Variants in KDM4C observed in about 807,000 individuals in gnomAD.
The protein encoded by KDM4C is lysine-specific demethylase 4C.
A neutral mutation model predicts 129.3 loss-of-function variants in KDM4C; 81 were observed. That is an observed-to-expected ratio of 0.63 (90% CI 0.52 to 0.75). KDM4C has a LOEUF of 0.75. KDM4C is among the 30% of genes least tolerant of loss of function. The pLI is 0.00. For missense variants in KDM4C, 1,457 were observed against 1,304.0 expected, an observed-to-expected ratio of 1.12 and a Z score of -1.81; for synonymous variants, 573 against 456.1, an observed-to-expected ratio of 1.26 and a Z score of -3.26.
At position 6,984,119 on chromosome 9, in the gene KDM4C, A is replaced by G. The variant is rs1465770579; in HGVS notation, c.1116-47A>G. On this transcript the variant is annotated intron_variant, in intron 9 of 21. Coordinates refer to ENST00000381309, the MANE Select transcript of KDM4C (RefSeq NM_015061.6). ...ATTTATATTGGGATGTGTTTTTCAT[A>G]TCCATTGCAGACATCCCGCTCTGAC... is the stretch of plus-strand genomic sequence containing the variant. The G allele has an allele frequency of 4.2e-6, 5 of 1,195,126 alleles. No homozygotes were observed. In the East Asian group the frequency reaches 9.5e-5, roughly 23 times the overall value. The allele number at this position is 1,195,126 out of a possible 1,614,324, so 74.0% of individuals were successfully genotyped here.
intron 8 of KDM4C, among the ~76,000 whole-genome samples, chr9:6,944,163 C>T (rs1826454647): frequency 6.6e-6 from 1 of 152,120 alleles, no homozygotes; most frequent in African/African-American, 2.4e-5. Flanking sequence ...TATCTGCAAG[C>T]AGAGGGTGCT....
At chr9:7,035,253 A>T (rs1039950362) in intron 15 of KDM4C, among the ~76,000 whole-genome samples, 2 of 147,608 alleles carry the variant, frequency 1.4e-5, no homozygotes, top group African/African-American at 4.9e-5. Flanking sequence ...GGCTCAAGTG[A>T]TCCTCCCGCC....
chr9:7,100,680 G>A (rs923989501), intron 17 of KDM4C, among the ~76,000 whole-genome samples: 12 of 152,030 alleles, frequency 7.9e-5, no homozygotes, highest in African/African-American at 2.9e-4. Context: ...CATTCTGAGT[G>A]GCACTGTTTT....
At chr9:6,872,555 G>A (rs761758826) in intron 5 of KDM4C, among the ~76,000 whole-genome samples, 5 of 152,214 alleles carry the variant, frequency 3.3e-5, no homozygotes, top group Non-Finnish European at 7.3e-5. Context: ...AGGTGCTCCT[G>A]TATTGGGTGC....
At chr9:6,779,568 C>T (rs1823871711) in intron 1 of KDM4C, among the ~76,000 whole-genome samples, 1 of 152,216 alleles carries the variant, frequency 6.6e-6, no homozygotes, top group Non-Finnish European at 1.5e-5. Context: ...CCCTGATCTT[C>T]TGTTTGTAGT....
At chr9:6,970,351 CT>C (rs1335197628) in intron 8 of KDM4C, among the ~76,000 whole-genome samples, 2 of 152,108 alleles carry the variant, frequency 1.3e-5, no homozygotes, top group Admixed American at 6.5e-5. Flanking sequence ...ACTTATGAAC[CT>C]TGGTCACTGT....
chr9:7,076,381 A>G lies in KDM4C; in HGVS notation c.2424+27181A>G. The G allele has an allele frequency of 7.8e-6, 10 of 1,285,782 alleles. No homozygotes were observed. The South Asian group carries it at 8.9e-5, about 11-fold the overall frequency. The allele number at this position is 1,285,782 out of a possible 1,614,324, so 79.6% of individuals were successfully genotyped here. Reference sequence around the variant, plus strand: ...TAAAGCCCATGCTATTTTCACTATAATTTATTAAAATCTGGCATATTGGAC... The same window carrying G: ...TAAAGCCCATGCTATTTTCACTATAGTTTATTAAAATCTGGCATATTGGAC... On this transcript the variant is annotated intron_variant, in intron 17 of 21. Transcript: ENST00000381309.
chr9:6,942,703 A>C (rs1329247564), intron 8 of KDM4C: 1 of 152,062 alleles, frequency 6.6e-6, no homozygotes, highest in Non-Finnish European at 1.5e-5. Flanking sequence ...ACAATTGTGT[A>C]CTTCCTTAAA....
intron 4 of KDM4C, 58 bp downstream of exon 4, chr9:6,814,803 C>T (rs781498508): frequency 5.3e-6 from 6 of 1,121,772 alleles, no homozygotes; most frequent in Non-Finnish European, 8.0e-6. Context: ...AGTTTTGTTA[C>T]CATTTAAGCA....
intron 19 of KDM4C, among the ~76,000 whole-genome samples, chr9:7,153,439 A>C (rs1842892800): frequency 6.6e-6 from 1 of 152,136 alleles, no homozygotes; most frequent in African/African-American, 2.4e-5. Flanking sequence ...ATCCTCAGAG[A>C]GCGCACATCC....
chr9:7,074,264 A>G (rs974125845), intron 17 of KDM4C, among the ~76,000 whole-genome samples: 3 of 152,096 alleles, frequency 2.0e-5, no homozygotes, highest in African/African-American at 7.2e-5. Flanking sequence ...CTTGGGTTCA[A>G]ACAATTCTCC....
intron 5 of KDM4C, among the ~76,000 whole-genome samples, chr9:6,869,014 A>T (rs1842466512): frequency 6.6e-6 from 1 of 152,192 alleles, no homozygotes; most frequent in Non-Finnish European, 1.5e-5. Flanking sequence ...TTTTATAACA[A>T]TGATGTTAGG....
At chr9:6,823,021 A>C (rs1184124897) in intron 4 of KDM4C, among the ~76,000 whole-genome samples, 1 of 152,256 alleles carries the variant, frequency 6.6e-6, no homozygotes, top group Non-Finnish European at 1.5e-5. Context: ...TGTGTAGCAT[A>C]ATGATGATTC....
chr9:6,992,141 C>G (rs1480855997), intron 12 of KDM4C, among the ~76,000 whole-genome samples: 2 of 152,064 alleles, frequency 1.3e-5, no homozygotes, highest in Non-Finnish European at 2.9e-5. Flanking sequence ...TGTAATTTCC[C>G]TTTCCCATGG....
chr9:6,775,435 T>A (rs1275820238), intron 1 of KDM4C, among the ~76,000 whole-genome samples: 1 of 152,138 alleles, frequency 6.6e-6, no homozygotes, highest in African/African-American at 2.4e-5. Context: ...TTTTGAGTTT[T>A]CAGTTTTTAG....
At chr9:6,848,625 C>T (rs1249720536) in intron 4 of KDM4C, among the ~76,000 whole-genome samples, 1 of 151,976 alleles carries the variant, frequency 6.6e-6, no homozygotes, top group Non-Finnish European at 1.5e-5. Context: ...GCTGAGATTG[C>T]ACCACTGCAC....
rs1254542248 is a variant in KDM4C at position 7,175,374 on chromosome 9, G to A, written c.*645G>A. The A allele has an allele frequency of 6.6e-6, 1 of 152,534 alleles. No individual in the cohort carries two copies. 9.4% of individuals were successfully genotyped at this position (152,534 alleles called of 1,614,324 possible). ...TGGCCTTTGTGAAATGAAATTTTTGGCTCTTGAGAAAGAATTCTTATGAAT... is the reference window on the plus strand; with the variant it reads ...TGGCCTTTGTGAAATGAAATTTTTGACTCTTGAGAAAGAATTCTTATGAAT... On this transcript the variant is annotated 3_prime_UTR_variant, in exon 22 of 22. Transcript: ENST00000381309.
intron 18 of KDM4C, among the ~76,000 whole-genome samples, chr9:7,104,597 G>C (rs954163504): frequency 3.5e-5 from 5 of 144,374 alleles, no homozygotes; most frequent in Admixed American, 2.9e-4. Context: ...TGTTTTAAAT[G>C]CTTAGAAATA....
chr9:6,851,259 G>T (rs1032325696), intron 5 of KDM4C, among the ~76,000 whole-genome samples: 3 of 152,212 alleles, frequency 2.0e-5, no homozygotes, highest in Non-Finnish European at 4.4e-5. Context: ...GATTACAGGT[G>T]TGAGCCACTG....
Sources: allele counts gnomAD v4.1 joint callset (sites outside exome capture counted in the v4.1 genomes callset), GRCh38; gene constraint gnomAD v4.1.1; transcripts MANE v1.5; gene names NCBI Gene and HGNC (gene_info 2026-07-23, HGNC 2026-07-21).